SCFD2: variants seen among roughly 807,000 people sequenced by gnomAD.
The protein encoded by SCFD2 is sec1 family domain containing 2.
SCFD2 carries 54 observed loss-of-function variants against 58.9 expected under a neutral mutation model. That is an observed-to-expected ratio of 0.92 (90% CI 0.74 to 1.15). The LOEUF is 1.15. Ranked by LOEUF, SCFD2 falls within the 50% of genes most tolerant of loss-of-function variation. SCFD2 has a pLI of 0.00. For missense variants in SCFD2, 805 were observed against 836.6 expected (o/e 0.96, Z 0.47); for synonymous variants, 321 against 335.9 (o/e 0.96, Z 0.49).
intron 4 of SCFD2, among the ~76,000 whole-genome samples, chr4:53,237,961 C>T (rs1577879251): frequency 8.2e-6 from 1 of 121,268 alleles, no homozygotes; most frequent in Non-Finnish European, 1.8e-5. Flanking sequence ...GGGGCTGACC[C>T]CCCCACCTCC....
intron 4 of SCFD2, among the ~76,000 whole-genome samples, chr4:53,156,022 C>G (rs1726669334): frequency 1.3e-5 from 2 of 152,114 alleles, no homozygotes; most frequent in South Asian, 2.1e-4. Context: ...AATTCTTTAC[C>G]ACTAGGCTAT....
At chr4:53,315,367 T>C (rs1378054623) in intron 2 of SCFD2, among the ~76,000 whole-genome samples, 1 of 151,978 alleles carries the variant, frequency 6.6e-6, no homozygotes, top group African/African-American at 2.4e-5. Flanking sequence ...CACTGTTCTG[T>C]TGCATGCCAA....
intron 4 of SCFD2, among the ~76,000 whole-genome samples, chr4:53,197,949 G>A (rs550930286): frequency 5.4e-4 from 82 of 152,044 alleles, no homozygotes; most frequent in African/African-American, 1.9e-3. Context: ...GTCTAGGATG[G>A]CTCTTGGCTG....
intron 3 of SCFD2, among the ~76,000 whole-genome samples, chr4:53,299,089 G>A (rs1023293603): frequency 2.0e-5 from 3 of 152,222 alleles, no homozygotes; most frequent in African/African-American, 7.2e-5. Context: ...AACAAAGCTG[G>A]ACGGAGAATG....
intron 5 of SCFD2, among the ~76,000 whole-genome samples, chr4:53,059,142 T>G (rs2148838627): frequency 6.6e-6 from 1 of 152,146 alleles, no homozygotes; most frequent in South Asian, 2.1e-4. Context: ...GACTGATCTC[T>G]CCCTTGCCTC....
chr4:53,220,992 T>C (rs544949315), intron 4 of SCFD2, among the ~76,000 whole-genome samples: 331 of 152,220 alleles, frequency 2.2e-3, no homozygotes, highest in Non-Finnish European at 4.2e-3. Flanking sequence ...TAGAAAAAAA[T>C]AGGTATTAAC....
intron 5 of SCFD2, among the ~76,000 whole-genome samples, chr4:53,123,532 T>TGGGGG (rs11293174): frequency 4.2e-5 from 4 of 95,380 alleles, no homozygotes; most frequent in South Asian, 3.6e-4. Context: ...GAGATGGGGG[T>TGGGGG]GGGGGGGGGG....
At chr4:53,215,037 G>A (rs1190372193) in intron 4 of SCFD2, among the ~76,000 whole-genome samples, 7 of 152,234 alleles carry the variant, frequency 4.6e-5, no homozygotes, top group South Asian at 4.1e-4. Flanking sequence ...CCAGTACCAC[G>A]CTGTTTTGGT....
At chr4:53,202,083 G>C (rs1728260803) in intron 4 of SCFD2, among the ~76,000 whole-genome samples, 1 of 152,064 alleles carries the variant, frequency 6.6e-6, no homozygotes, top group Non-Finnish European at 1.5e-5. Flanking sequence ...TGGTGTTTTA[G>C]ACATGAAGTC....
chr4:52,973,364 A>G (rs976320057), intron 5 of SCFD2, among the ~76,000 whole-genome samples: 2 of 152,246 alleles, frequency 1.3e-5, no homozygotes, highest in Non-Finnish European at 2.9e-5. Flanking sequence ...AGAAATACAA[A>G]CTACCATCAG....
At chr4:53,213,250 G>A (rs763830242) in intron 4 of SCFD2, among the ~76,000 whole-genome samples, 1 of 152,054 alleles carries the variant, frequency 6.6e-6, no homozygotes, top group African/African-American at 2.4e-5. Flanking sequence ...AGTAAAGATA[G>A]AAATCAAAAT....
intron 4 of SCFD2, among the ~76,000 whole-genome samples, chr4:53,204,704 T>C (rs1019459154): frequency 4.3e-5 from 6 of 141,078 alleles, no homozygotes; most frequent in Non-Finnish European, 9.2e-5. Flanking sequence ...ACTGAAAGAG[T>C]ACCCAGCATA....
At chr4:53,202,939 G>A (rs200434487) in intron 4 of SCFD2, among the ~76,000 whole-genome samples, 4 of 152,128 alleles carry the variant, frequency 2.6e-5, no homozygotes, top group African/African-American at 4.8e-5. Context: ...GAGACAATGG[G>A]GTTATCTAGA....
chr4:53,233,084 T>C (rs1438022053), intron 4 of SCFD2, among the ~76,000 whole-genome samples: 1 of 152,154 alleles, frequency 6.6e-6, no homozygotes, highest in Non-Finnish European at 1.5e-5. Context: ...AAAGCACACC[T>C]TTAGGCACAT....
At chr4:52,908,015 T>G (rs1719388533) in intron 6 of SCFD2, among the ~76,000 whole-genome samples, 2 of 152,288 alleles carry the variant, frequency 1.3e-5, no homozygotes, top group East Asian at 3.9e-4. Flanking sequence ...TGCTAGGAAC[T>G]CCAATGTTAT....
chr4:53,192,233 A>G (rs1032838873), intron 4 of SCFD2, among the ~76,000 whole-genome samples: 10 of 152,150 alleles, frequency 6.6e-5, no homozygotes, highest in East Asian at 1.9e-4. Context: ...ACGACTCCCT[A>G]TTGTCTTACA....
chr4:53,051,588 G>A (rs1243572914), intron 5 of SCFD2, among the ~76,000 whole-genome samples: 10 of 152,080 alleles, frequency 6.6e-5, no homozygotes, highest in Admixed American at 3.9e-4. Flanking sequence ...ATTAGGTAAA[G>A]CCACTTTATA....
chr4:52,950,076 C>T (rs1371548563), intron 5 of SCFD2: 3 of 152,334 alleles, frequency 2.0e-5, no homozygotes, highest in African/African-American at 4.8e-5. Context: ...GCTGTAGATG[C>T]CCTCAATTAA....
At chr4:53,227,744 G>C (rs1729269552) in intron 4 of SCFD2, among the ~76,000 whole-genome samples, 1 of 152,044 alleles carries the variant, frequency 6.6e-6, no homozygotes, top group Non-Finnish European at 1.5e-5. Context: ...CGAAATTCCA[G>C]GGTATATATT....
Sources: gnomAD v4.1 joint callset for allele counts (sites outside exome capture counted in the v4.1 genomes callset) on GRCh38, gnomAD v4.1.1 for gene constraint, MANE v1.5 for transcripts, NCBI Gene and HGNC (gene_info 2026-07-23, HGNC 2026-07-21) for gene names.